Variants in TMEM181 observed in about 807,000 individuals in gnomAD.
TMEM181 encodes the protein G protein-coupled receptor 178.
TMEM181 carries 39 observed loss-of-function variants against 71.9 expected under a neutral mutation model. That is an observed-to-expected ratio of 0.54 (90% CI 0.42 to 0.71). The LOEUF is 0.71. TMEM181 is among the 30% of genes least tolerant of loss of function. The probability of loss-of-function intolerance (pLI) is 0.00; values close to 1 mark genes in which losing one functional copy is unlikely to be tolerated. For synonymous variants in TMEM181, 245 were observed against 228.8 expected (o/e 1.07, Z -0.64); for missense variants, 595 against 583.0 (o/e 1.02, Z -0.21).
rs1296207221 is a variant in TMEM181 at position 158,608,608 on chromosome 6, A to G, written c.805-51A>G. The G allele has an allele frequency of 2.5e-6, 4 of 1,597,310 alleles. No homozygotes were observed. In the Admixed American group the frequency reaches 5.3e-5, roughly 21 times the overall value. On this transcript the variant is annotated intron_variant, in intron 9 of 16. Transcript: ENST00000684151. ...CAATGGAAAAATCACGTTATGTACAATTACCAATTTGGTTTTCTTTATTTC... is the reference window on the plus strand; with the variant it reads ...CAATGGAAAAATCACGTTATGTACAGTTACCAATTTGGTTTTCTTTATTTC...
chr6:158,588,739 C>T (rs1370748505), intron 5 of TMEM181, among the ~76,000 whole-genome samples: 2 of 152,246 alleles, frequency 1.3e-5, no homozygotes, highest in Admixed American at 6.5e-5. Context: ...TGAGCCACCA[C>T]GCCCAGCCAC....
intron 1 of TMEM181, among the ~76,000 whole-genome samples, chr6:158,537,199 G>GCCCCGCGTCGTTCTCC (rs1781150016): frequency 1.3e-5 from 2 of 151,968 alleles, no homozygotes; most frequent in African/African-American, 4.8e-5. Flanking sequence ...TCCTCCCTGC[G>GCCCCGCGTCGTTCTCC]CCCCGCGTCG....
chr6:158,611,965 G>A (rs1393503818), intron 10 of TMEM181, among the ~76,000 whole-genome samples: 4 of 121,690 alleles, frequency 3.3e-5, no homozygotes, highest in Non-Finnish European at 6.9e-5. Context: ...ACTCCCTGCA[G>A]CTGCAGGGAT....
chr6:158,560,714 T>C (rs1033731470), intron 1 of TMEM181, among the ~76,000 whole-genome samples: 3 of 152,162 alleles, frequency 2.0e-5, no homozygotes, highest in African/African-American at 7.2e-5. Context: ...TCAGAGGCGA[T>C]TGGTGACGTG....
intron 10 of TMEM181, 46 bp from the exon 11 acceptor site, chr6:158,623,499 AAAAGT>A (rs1786093560): frequency 1.6e-6 from 2 of 1,224,572 alleles, no homozygotes; most frequent in East Asian, 2.7e-5. Context: ...ATGTAAAATA[AAAAGT>A]AAAGGTAGTT....
chr6:158,605,828 A>G (rs376541312), intron 7 of TMEM181, among the ~76,000 whole-genome samples: 4 of 151,730 alleles, frequency 2.6e-5, no homozygotes, highest in Non-Finnish European at 5.9e-5. Context: ...ACAAACCCAC[A>G]TGACTTTGGG....
Position 158,635,428 on chromosome 6 carries a change from C to G in TMEM181, c.*3540C>G, listed in dbSNP as rs1037453826. 3.9e-5 allele frequency: 6 copies of G among 152,206 alleles called. No homozygotes were observed. Among genetic ancestry groups the G allele is most frequent in the African/African-American group, 1.4e-4 (6 of 41,450 alleles). 9.4% of individuals were successfully genotyped at this position (152,206 alleles called of 1,614,324 possible). A position where few individuals can be genotyped will look rare whatever the true frequency, so the allele number is the denominator to read the frequency against. On this transcript the variant is annotated 3_prime_UTR_variant, in exon 17 of 17. Coordinates refer to ENST00000684151, the MANE Select transcript of TMEM181 (RefSeq NM_001376852.1). ...GAAATGTTAATAAATTTTTAATATT[C>G]ACTTCTATGTGTCTTGATTTGTTTG...
intron 13 of TMEM181, 97 bp downstream of exon 13, chr6:158,625,851 A>G: frequency 2.7e-6 from 3 of 1,123,758 alleles, no homozygotes; most frequent in Non-Finnish European, 3.9e-6. Flanking sequence ...ATTTCAGGGT[A>G]CTTCTAGCCC....
In TMEM181 at chr6:158,560,208, G is replaced by A. The variant is rs1025571014; in HGVS notation, c.-17G>A. 4.1e-6 allele frequency: 4 copies of A among 984,782 alleles called. No individual in the cohort carries two copies. The highest frequency in any genetic ancestry group is 4.8e-6 in the Non-Finnish European group (4 of 829,760). 61.0% of individuals were successfully genotyped at this position (984,782 alleles called of 1,614,324 possible). On this transcript the variant is annotated 5_prime_UTR_variant, in exon 1 of 17. Transcript: ENST00000684151. Reference sequence around the variant, plus strand: ...CTCGGGACGCGCGGGCCGGGGCCGAGGGCTCTGGGCGCCGAGATGGAGCCG... The same window carrying A: ...CTCGGGACGCGCGGGCCGGGGCCGAAGGCTCTGGGCGCCGAGATGGAGCCG...
intron 13 of TMEM181, among the ~76,000 whole-genome samples, chr6:158,627,939 C>T (rs930050319): frequency 7.2e-5 from 11 of 152,256 alleles, no homozygotes; most frequent in Admixed American, 2.0e-4. Flanking sequence ...ATGTTGCCTT[C>T]GCTGCTGTGC....
chr6:158,577,472 C>A (rs1414619856), intron 2 of TMEM181, among the ~76,000 whole-genome samples: 1 of 152,016 alleles, frequency 6.6e-6, no homozygotes, highest in Non-Finnish European at 1.5e-5. Flanking sequence ...TCAAATGGAC[C>A]AACATACACA....
chr6:158,589,819 A>T (rs757205818), intron 6 of TMEM181, 37 bp downstream of exon 6: 2 of 1,380,632 alleles, frequency 1.4e-6, no homozygotes, highest in Admixed American at 3.4e-5. Context: ...TCCATGGCTC[A>T]TGTTCTAGTT....
rs141874178 is a variant in TMEM181 at position 158,572,114 on chromosome 6, C to T, written c.9-1306C>T. ...GCCATGCAGGCCCTGCTGGGGGCAG[C>T]GGGCCTGGCCTTATCAGAGCTACGT... On this transcript the variant is annotated intron_variant, in intron 1 of 16. Transcript: ENST00000684151. Among the ~76,000 whole-genome samples the T allele has an allele frequency of 2.4e-4, 36 of 152,368 alleles. No individual in the cohort carries two copies. In the East Asian group the frequency reaches 5.0e-3, roughly 21 times the overall value.
chr6:158,586,677 G>A (rs1476391510), intron 5 of TMEM181, among the ~76,000 whole-genome samples: 2 of 152,132 alleles, frequency 1.3e-5, no homozygotes, highest in African/African-American at 2.4e-5. Context: ...GCTAGGCGCA[G>A]TGGCTCATGC....
At chr6:158,616,197 C>T (rs1296463785) in intron 10 of TMEM181, among the ~76,000 whole-genome samples, 1 of 152,162 alleles carries the variant, frequency 6.6e-6, no homozygotes, top group African/African-American at 2.4e-5. Context: ...AGAGGTCCTT[C>T]ACATCCCTTG....
chr6:158,579,295 T>C (rs1462468471), intron 2 of TMEM181, among the ~76,000 whole-genome samples: 3 of 151,726 alleles, frequency 2.0e-5, no homozygotes, highest in Non-Finnish European at 4.4e-5. Flanking sequence ...TCTTGATATT[T>C]GTACACCCAT....
chr6:158,581,107 T>C (rs1783445769), intron 3 of TMEM181, 112 bp downstream of exon 3: 1 of 1,011,408 alleles, frequency 9.9e-7, no homozygotes, highest in African/African-American at 1.6e-5. Flanking sequence ...GCCTTGCGGC[T>C]TCTCAGGCAA....
chr6:158,610,054 T>C (rs1785205484), intron 10 of TMEM181: 1 of 220,298 alleles, frequency 4.5e-6, no homozygotes, highest in African/African-American at 2.3e-5. Flanking sequence ...AGAACACACA[T>C]TTTCTCATGG....
At position 158,597,711 on chromosome 6, in the gene TMEM181, G is replaced by C. The variant is rs573054547; in HGVS notation, c.493-7556G>C. Among the ~76,000 whole-genome samples, 3 of 152,172 alleles carry C rather than the reference G, an allele frequency of 2.0e-5. No homozygotes were observed. In the South Asian group the frequency reaches 6.2e-4, roughly 32 times the overall value. The stretch of plus-strand genomic sequence containing the variant: ...TATTTTCTAGAGACGGGGTCTCACT[G>C]TGTTGCCCAGGCTTGAACTCCTGGG... On this transcript the variant is annotated intron_variant, in intron 6 of 16. Coordinates refer to ENST00000684151, the MANE Select transcript of TMEM181 (RefSeq NM_001376852.1).
Sources: gnomAD v4.1 joint callset for allele counts (sites outside exome capture counted in the v4.1 genomes callset) on GRCh38, gnomAD v4.1.1 for gene constraint, MANE v1.5 for transcripts, NCBI Gene and HGNC (gene_info 2026-07-23, HGNC 2026-07-21) for gene names.